The following ELAC2 variants were observed in gnomAD, a reference collection of about 807,000 sequenced individuals.
ELAC2 encodes zinc phosphodiesterase ELAC protein 2.
A neutral mutation model predicts 105.2 loss-of-function variants in ELAC2; 92 were observed. The observed-to-expected ratio is 0.87, with a 90% CI of 0.74 to 1.04. The LOEUF is 1.04. Ranked by LOEUF, ELAC2 falls within the 50% of genes least tolerant of loss-of-function variation. The pLI is 0.00. For missense variants in ELAC2, 1,099 were observed against 1,071.7 expected (o/e 1.03, Z -0.36); for synonymous variants, 468 against 409.1 (o/e 1.14, Z -1.74).
intron 4 of ELAC2, among the ~76,000 whole-genome samples, chr17:13,014,930 G>C (rs570313862): frequency 1.8e-4 from 28 of 152,332 alleles, no homozygotes; most frequent in African/African-American, 5.5e-4. Flanking sequence ...GCGGAAGGGC[G>C]AAAGTCCTGA....
intron 23 of ELAC2, among the ~76,000 whole-genome samples, chr17:12,993,254 T>C (rs1482177642): frequency 6.6e-6 from 1 of 152,170 alleles, no homozygotes; most frequent in Non-Finnish European, 1.5e-5. Flanking sequence ...GCTAAGGGCC[T>C]CCGGAGAGGG....
At chr17:13,000,698 T>G (rs1245893427) in intron 14 of ELAC2, 3 of 259,404 alleles carry the variant, frequency 1.2e-5, no homozygotes, top group East Asian at 1.9e-4. Flanking sequence ...CTGAAACTCA[T>G]GTTCACACCC....
rs1186399948 is a variant in ELAC2 at position 12,991,901 on chromosome 17, C to CATT, written c.*914_*916dup. 7.2e-5 allele frequency among the ~76,000 whole-genome samples: 11 copies of CATT among 152,158 alleles called. No individual in the cohort carries two copies. The highest frequency in any genetic ancestry group is 5.9e-4 in the Admixed American group (9 of 15,266). ...ACTTACTTCCTTGGAAAATGCTCTC[C>CATT]ATTTGTCGAGCACTAATCCACGTCT... On this transcript the variant is annotated 3_prime_UTR_variant, in exon 24 of 24. Transcript: ENST00000338034.
intron 1 of ELAC2, 89 bp downstream of exon 1, chr17:13,017,614 G>T: frequency 1.9e-6 from 3 of 1,596,410 alleles, no homozygotes; most frequent in Non-Finnish European, 2.6e-6. Context: ...TGTGAAGCAG[G>T]GAAGCCGAAG....
rs2040217883 is a variant in ELAC2 at position 12,992,205 on chromosome 17, T to G, written c.*613A>C. On this transcript the variant is annotated 3_prime_UTR_variant, in exon 24 of 24. Transcript: ENST00000338034. The stretch of plus-strand genomic sequence containing the variant: ...GCACAGCTCGAGTTGTCAAAAAGAC[T>G]TGGCGAATAAGGGTGGCTCTCTGAG... Among the ~76,000 whole-genome samples the G allele has an allele frequency of 6.6e-6, 1 of 152,054 alleles. No homozygotes were observed. Among genetic ancestry groups the G allele is most frequent in the Non-Finnish European group, 1.5e-5 (1 of 68,034 alleles).
rs1454480455 is a variant in ELAC2 at position 12,995,182 on chromosome 17, CAT to C, written c.1809-122_1809-121del. 3.7e-6 allele frequency: 4 copies of C among 1,071,738 alleles called. No homozygotes were observed. The South Asian group carries it at 5.1e-5, about 14-fold the overall frequency. 66.4% of individuals were successfully genotyped at this position (1,071,738 alleles called of 1,614,324 possible). A position where few individuals can be genotyped will look rare whatever the true frequency, so the allele number is the denominator to read the frequency against. On this transcript the variant is annotated intron_variant, in intron 19 of 23. Transcript: ENST00000338034. ...TCTTAGGAGAAAACATGAGTTAAAT[CAT>C]AGTCACTATGATGAGGAAACAGCAG...
intron 8 of ELAC2, 134 bp from the exon 9 acceptor site, chr17:13,006,113 G>C: frequency 1.1e-6 from 1 of 895,010 alleles, no homozygotes; most frequent in Non-Finnish European, 1.8e-6. Flanking sequence ...GCTCACGCCT[G>C]TAATTCCAGT....
rs971374535 is a variant in ELAC2 at position 12,992,976 on chromosome 17, T to C, written c.2323A>G (p.Ile775Val). Residue 775 changes from isoleucine to valine, a missense_variant, in exon 24 of 24, where the codon ATC (isoleucine) becomes GTC (valine). Coordinates refer to ENST00000338034, the MANE Select transcript of ELAC2 (RefSeq NM_018127.7). The part of the protein sequence containing the change: ...PPLKALFAGD[I>V]EEMEERREKR... ...TCCCTGCGCTCCTCCATCTCCTCGA[T>C]GTCGCCAGCAAACAGGGCTTTCAGT... 1.5e-5 allele frequency: 24 copies of C among 1,604,566 alleles called. No individual in the cohort carries two copies. The highest frequency in any genetic ancestry group is 2.0e-5 in the Non-Finnish European group (23 of 1,174,792).
intron 17 of ELAC2, 67 bp downstream of exon 17, chr17:12,996,480 A>G (rs1255646853): frequency 1.9e-6 from 3 of 1,609,748 alleles, no homozygotes; most frequent in Non-Finnish European, 2.5e-6. Flanking sequence ...AGACGCAGCC[A>G]AAGGGCCAAC....
intron 15 of ELAC2, among the ~76,000 whole-genome samples, chr17:12,999,173 C>T (rs2040630029): frequency 6.6e-6 from 1 of 152,192 alleles, no homozygotes; most frequent in African/African-American, 2.4e-5. Flanking sequence ...TTCTCCAGTC[C>T]TTTCTTCAAA....
Position 12,995,956 on chromosome 17 carries a change from T to C in ELAC2, c.1682A>G (p.Gln561Arg). 6.3e-7 allele frequency: 1 copy of C among 1,596,680 alleles called. No individual in the cohort carries two copies. Among genetic ancestry groups the C allele is most frequent in the African/African-American group, 1.3e-5 (1 of 74,740 alleles). ...HHTGLPSILL[Q>R]RERALASLGK... is the part of the protein sequence containing the mutation. ...CACACTTACCAAGGCGCGTTCTCTC[T>C]GCAGCAAGATACTTGGCAAGCCCTG... The change falls in exon 18 of 24, where the codon CAG becomes CGG. Residue 561 changes from glutamine (Q) to arginine (R), a missense_variant. Physicochemically the swap from Gln to Arg is conservative, Grantham distance 43 (BLOSUM62 1). Coordinates refer to ENST00000338034, the MANE Select transcript of ELAC2 (RefSeq NM_018127.7).
intron 21 of ELAC2, 70 bp from the exon 22 acceptor site, chr17:12,994,573 T>C: frequency 6.2e-7 from 1 of 1,601,692 alleles, no homozygotes; most frequent in Non-Finnish European, 8.6e-7. Context: ...AGTCACGTGC[T>C]GTTTCCTGGT....
At chr17:13,009,482 A>G (rs2041293107) in intron 8 of ELAC2, among the ~76,000 whole-genome samples, 1 of 152,262 alleles carries the variant, frequency 6.6e-6, no homozygotes, top group African/African-American at 2.4e-5. Flanking sequence ...TTTTAATGGA[A>G]TTTGACCAAT....
In ELAC2 at chr17:13,014,465, G is replaced by A; in HGVS notation, c.464C>T (p.Ser155Phe). The change falls in exon 5 of 24, where the codon TCT becomes TTT. Residue 155 changes from serine to phenylalanine, a missense_variant. Physicochemically the swap from Ser to Phe is radical, Grantham distance 155. Transcript: ENST00000338034. ...CAGTTCTATTCCTTTCAATGGACCA[G>A]AAAATATTTTGATTGCTTCGAGGTA... Reference protein sequence around the residue: ...EKYLEAIKIFSGPLKGIELAV... With the variant: ...EKYLEAIKIFFGPLKGIELAV... 6.2e-7 allele frequency: 1 copy of A among 1,613,766 alleles called. No individual in the cohort carries two copies. The highest frequency in any genetic ancestry group is 8.5e-7 in the Non-Finnish European group (1 of 1,179,716).
chr17:13,011,078 G>C (rs1173187269), intron 7 of ELAC2, among the ~76,000 whole-genome samples: 1 of 152,204 alleles, frequency 6.6e-6, no homozygotes, highest in East Asian at 1.9e-4. Context: ...TCCAAACAAG[G>C]ACAGCACATA....
Position 12,996,534 on chromosome 17 carries a change from G to T in ELAC2, c.1659+13C>A, listed in dbSNP as rs1278379923. On this transcript the variant is annotated intron_variant, in intron 17 of 23. Coordinates refer to ENST00000338034, the MANE Select transcript of ELAC2 (RefSeq NM_018127.7). ...CTCCAGGCTCCAGCTTTGTGGTCCA[G>T]CCCAACACTCACCGTGTGGTGATCT... The T allele has an allele frequency of 1.2e-6, 2 of 1,613,606 alleles. No homozygotes were observed. The highest frequency in any genetic ancestry group is 2.2e-5 in the East Asian group (1 of 44,882).
At chr17:12,996,829 G>T in intron 16 of ELAC2, 144 bp from the exon 17 acceptor site, 1 of 1,138,434 alleles carries the variant, frequency 8.8e-7, no homozygotes, top group African/African-American at 1.5e-5. Context: ...TAATATAAAA[G>T]CCAATTAATT....
chr17:13,002,463 AG>A lies in ELAC2; in HGVS notation c.1195del (p.Leu399CysfsTer49). 1.9e-6 allele frequency: 3 copies of A among 1,611,554 alleles called. No individual in the cohort carries two copies. Among genetic ancestry groups the A allele is most frequent in the Non-Finnish European group, 2.5e-6 (3 of 1,178,720 alleles). ...TACCTTACAGCGGAAACTGGTGAGC[AG>A]GGGGAAGATGTCCGGGTGGATGAGG... ...LNLIHPDIFP[L>X]LTSFRCKKEG... is the part of the protein sequence containing the mutation. On this transcript the variant is annotated frameshift_variant, in exon 13 of 24. Transcript: ENST00000338034. LOFTEE classifies it high-confidence loss of function.
intron 14 of ELAC2, among the ~76,000 whole-genome samples, chr17:13,001,349 G>A (rs543436095): frequency 1.9e-4 from 29 of 152,028 alleles, no homozygotes; most frequent in Non-Finnish European, 3.2e-4. Context: ...AAAATTAGCC[G>A]GGCGTGGTAG....
Sources: gnomAD v4.1 joint callset for allele counts (sites outside exome capture counted in the v4.1 genomes callset) on GRCh38, gnomAD v4.1.1 for gene constraint, MANE v1.5 for transcripts, NCBI Gene and HGNC (gene_info 2026-07-23, HGNC 2026-07-21) for gene names.